The following TAFA2 variants were observed in gnomAD, a reference collection of about 807,000 sequenced individuals.
TAFA2 encodes TAFA chemokine like family member 2, also known as chemokine-like protein TAFA-2.
Under a neutral mutation model 18.8 loss-of-function variants are expected in TAFA2, and 7 were observed. That is an observed-to-expected ratio of 0.37 (90% confidence interval 0.21 to 0.70). The LOEUF (loss-of-function observed/expected upper bound fraction) is 0.70. Ranked by LOEUF, TAFA2 falls within the 30% of genes least tolerant of loss-of-function variation. The probability of loss-of-function intolerance (pLI) is 0.53; values close to 1 mark genes in which losing one functional copy is unlikely to be tolerated. For missense variants in TAFA2, 122 were observed against 158.1 expected, an observed-to-expected ratio of 0.77 and a Z score of 1.23; for synonymous variants, 60 against 54.2, an observed-to-expected ratio of 1.11 and a Z score of -0.47.
chr12:62,206,551 AG>A lies in TAFA2; in HGVS notation c.-130+52211del, dbSNP rs200994269. Among the ~76,000 whole-genome samples, 1,437 of 151,916 alleles carry A rather than the reference AG, an allele frequency of 9.5e-3. 24 individuals carry two copies. Among genetic ancestry groups the A allele is most frequent in the African/African-American group, 0.033 (1,365 of 41,430 alleles). ...CTAGCAACTTTTTTTTTTTTGAGAC[AG>A]GTTCTCACTCCTGTCACCCAGGCGG... On this transcript the variant is annotated intron_variant, in intron 1 of 5. Transcript: ENST00000551619.
intron 1 of TAFA2, among the ~76,000 whole-genome samples, chr12:62,131,698 C>G (rs955651032): frequency 6.6e-6 from 1 of 151,994 alleles, no homozygotes; most frequent in South Asian, 2.1e-4. Context: ...TAGAGAAAAT[C>G]TGTTTCCACT....
At chr12:62,247,106 T>G (rs1272302987) in intron 1 of TAFA2, among the ~76,000 whole-genome samples, 1 of 152,210 alleles carries the variant, frequency 6.6e-6, no homozygotes, top group Admixed American at 6.5e-5. Context: ...CTTGTCTGCC[T>G]TATATTAGAT....
intron 1 of TAFA2, among the ~76,000 whole-genome samples, chr12:62,109,566 T>C (rs1869625887): frequency 6.6e-6 from 1 of 152,226 alleles, no homozygotes; most frequent in Non-Finnish European, 1.5e-5. Context: ...TAAATTACTT[T>C]GGGCTGTATG....
chr12:61,725,783 T>C (rs996880973), intron 4 of TAFA2, among the ~76,000 whole-genome samples: 4 of 151,582 alleles, frequency 2.6e-5, no homozygotes, highest in Non-Finnish European at 1.5e-5. Context: ...CTGGATGGAG[T>C]TGGAGGCCAT....
At chr12:61,804,698 A>G (rs1413422814) in intron 2 of TAFA2, among the ~76,000 whole-genome samples, 1 of 152,026 alleles carries the variant, frequency 6.6e-6, no homozygotes, top group Non-Finnish European at 1.5e-5. Context: ...ACACCTTTGA[A>G]GCACTTTCTG....
intron 1 of TAFA2, among the ~76,000 whole-genome samples, chr12:62,083,332 C>T (rs1868351891): frequency 6.6e-6 from 1 of 151,854 alleles, no homozygotes; most frequent in African/African-American, 2.4e-5. Context: ...TCCTTCTATA[C>T]CTCCCTGCTA....
intron 1 of TAFA2, among the ~76,000 whole-genome samples, chr12:62,091,720 C>T (rs1267416299): frequency 6.6e-6 from 1 of 151,970 alleles, no homozygotes; most frequent in Non-Finnish European, 1.5e-5. Context: ...CCTAGGTGAT[C>T]CCAGACCCAC....
chr12:62,244,383 G>C (rs2136991421), intron 1 of TAFA2, among the ~76,000 whole-genome samples: 1 of 151,788 alleles, frequency 6.6e-6, no homozygotes, highest in Admixed American at 6.6e-5. Context: ...CTGCATCAAG[G>C]CTTTTCCCAT....
At chr12:61,842,896 A>G (rs527363337) in intron 2 of TAFA2, among the ~76,000 whole-genome samples, 1 of 152,046 alleles carries the variant, frequency 6.6e-6, no homozygotes, top group Non-Finnish European at 1.5e-5. Context: ...TTAATATTGA[A>G]ATTCACGTCT....
intron 1 of TAFA2, among the ~76,000 whole-genome samples, chr12:62,204,542 C>A (rs1193920058): frequency 1.3e-5 from 2 of 151,832 alleles, no homozygotes; most frequent in African/African-American, 4.8e-5. Context: ...TTCTTTTTTT[C>A]TCTAATATTG....
At chr12:61,749,845 G>A (rs1868925027) in intron 4 of TAFA2, among the ~76,000 whole-genome samples, 1 of 152,036 alleles carries the variant, frequency 6.6e-6, no homozygotes, top group Non-Finnish European at 1.5e-5. Context: ...TCTCTAACCT[G>A]ATCCTTAGGT....
intron 1 of TAFA2, among the ~76,000 whole-genome samples, chr12:62,224,008 T>C (rs2062775048): frequency 6.6e-6 from 1 of 151,702 alleles, no homozygotes; most frequent in Non-Finnish European, 1.5e-5. Flanking sequence ...TTATTCACAA[T>C]AGCCAAATAG....
At chr12:62,149,980 A>G (rs1032155251) in intron 1 of TAFA2, among the ~76,000 whole-genome samples, 11 of 152,164 alleles carry the variant, frequency 7.2e-5, no homozygotes, top group Non-Finnish European at 1.3e-4. Context: ...TCTCTTTCCT[A>G]TTTTTGAAAT....
chr12:62,103,608 GCGTAT>G (rs2136853610), intron 1 of TAFA2, among the ~76,000 whole-genome samples: 1 of 152,296 alleles, frequency 6.6e-6, no homozygotes, highest in South Asian at 2.1e-4. Context: ...AGGTGTGATG[GCGTAT>G]GCCTGTAGTC....
rs371074813 is a variant in TAFA2 at position 61,738,673 on chromosome 12, C to T, written c.384+14949G>A. On this transcript the variant is annotated intron_variant, in intron 4 of 4. Transcript: ENST00000416284. ...CACCTGACCCACCTATGGTAAATAA[C>T]TAGAATGGCCCCATGTCTGAGGCCA... is the stretch of plus-strand genomic sequence containing the variant. 2.6e-5 allele frequency among the ~76,000 whole-genome samples: 4 copies of T among 152,142 alleles called. No individual in the cohort carries two copies. The East Asian group carries it at 7.8e-4, about 30-fold the overall frequency.
intron 1 of TAFA2, among the ~76,000 whole-genome samples, chr12:62,045,639 GC>G (rs1420172992): frequency 6.6e-6 from 1 of 152,138 alleles, no homozygotes; most frequent in Non-Finnish European, 1.5e-5. Context: ...CTATTAAAAA[GC>G]AGTAGCCTAA....
At chr12:61,758,955 G>A (rs1422534747) in intron 2 of TAFA2, among the ~76,000 whole-genome samples, 1 of 151,902 alleles carries the variant, frequency 6.6e-6, no homozygotes, top group African/African-American at 2.4e-5. Flanking sequence ...ATAGCTTCTG[G>A]GAGAACATTA....
At chr12:61,941,856 G>C (rs1277945749) in intron 1 of TAFA2, among the ~76,000 whole-genome samples, 1 of 152,212 alleles carries the variant, frequency 6.6e-6, no homozygotes, top group Non-Finnish European at 1.5e-5. Flanking sequence ...CAAACTGCAA[G>C]GCGGCAGCGA....
chr12:62,086,195 C>CA lies in TAFA2; in HGVS notation c.-2+105063dup, dbSNP rs534135418. Among the ~76,000 whole-genome samples the CA allele has an allele frequency of 2.4e-3, 333 of 138,844 alleles. 1 individual carries two copies. The highest frequency in any genetic ancestry group is 3.5e-3 in the Non-Finnish European group (225 of 64,034). The allele number at this position is 138,844 out of a possible 152,430, so 91.1% of individuals were successfully genotyped here. A position where few individuals can be genotyped will look rare whatever the true frequency, so the allele number is the denominator to read the frequency against. ...AAAACAAAACAAAACAAAACAAAAA[C>CA]AAAAAAAAAAACAGGAAAAAGCATC... On this transcript the variant is annotated intron_variant, in intron 1 of 4. Transcript: ENST00000416284.
Sources: allele counts gnomAD v4.1 joint callset (sites outside exome capture counted in the v4.1 genomes callset), GRCh38; gene constraint gnomAD v4.1.1; transcripts MANE v1.5; gene names NCBI Gene and HGNC (gene_info 2026-07-23, HGNC 2026-07-21).